The following PEX5L variants were observed in gnomAD, a reference collection of about 807,000 sequenced individuals.
PEX5L encodes peroxisomal biogenesis factor 5 like, also known as PEX5-related protein.
In PEX5L, 30 loss-of-function variants were observed where a neutral mutation model predicts 84.0. The observed-to-expected ratio is 0.36, with a 90% CI of 0.27 to 0.48. PEX5L has a LOEUF of 0.48. Among genes scored for constraint, PEX5L ranks in the 20% least tolerant of loss-of-function variants. The probability of loss-of-function intolerance (pLI) is 0.99; values close to 1 mark genes in which losing one functional copy is unlikely to be tolerated. For synonymous variants in PEX5L, 270 were observed against 283.1 expected (o/e 0.95, Z 0.46); for missense variants, 533 against 754.6 (o/e 0.71, Z 3.44).
rs1436013221 is a variant in PEX5L, at chr3:179,798,905, A to G, written c.*2923T>C. 1 of 152,146 alleles carries G rather than the reference A, an allele frequency of 6.6e-6. No individual in the cohort carries two copies. The highest frequency in any genetic ancestry group is 2.4e-5 in the African/African-American group (1 of 41,434). The allele number at this position is 152,146 out of a possible 1,614,324, so 9.4% of individuals were successfully genotyped here. On this transcript the variant is annotated 3_prime_UTR_variant, in exon 15 of 15. Coordinates refer to ENST00000467460, the MANE Select transcript of PEX5L (RefSeq NM_016559.3). ...GCTACTGATTTCTTGGTGGTGCTCTATTCCTATAAACTGTCACTTTTTTGT... is the reference window on the plus strand; with the variant it reads ...GCTACTGATTTCTTGGTGGTGCTCTGTTCCTATAAACTGTCACTTTTTTGT...
chr3:180,010,950 T>C (rs900198772), intron 1 of PEX5L, among the ~76,000 whole-genome samples: 9 of 152,156 alleles, frequency 5.9e-5, no homozygotes, highest in South Asian at 4.1e-4. Context: ...CAAGGGGAAG[T>C]GGAAGGCGTG....
At chr3:179,837,529 C>T (rs1390733720) in intron 8 of PEX5L, among the ~76,000 whole-genome samples, 4 of 152,182 alleles carry the variant, frequency 2.6e-5, no homozygotes, top group East Asian at 1.9e-4. Flanking sequence ...ATGCCATACC[C>T]AGATCTTTAT....
chr3:179,821,402 T>C (rs1002973011), intron 8 of PEX5L, among the ~76,000 whole-genome samples: 3 of 152,248 alleles, frequency 2.0e-5, no homozygotes, highest in Admixed American at 1.3e-4. Context: ...CCTTTTAATC[T>C]TCTGGTCTGC....
At chr3:180,019,573 T>A (rs1218618884) in intron 1 of PEX5L, among the ~76,000 whole-genome samples, 1 of 152,198 alleles carries the variant, frequency 6.6e-6, no homozygotes, top group East Asian at 1.9e-4. Context: ...TTTATCATCA[T>A]ATTTCCTCCT....
intron 7 of PEX5L, among the ~76,000 whole-genome samples, chr3:179,865,742 T>C (rs1747895537): frequency 6.6e-6 from 1 of 152,148 alleles, no homozygotes; most frequent in South Asian, 2.1e-4. Flanking sequence ...AAAATGCAGA[T>C]TGCTAGGCCC....
At chr3:179,884,860 G>GA (rs201760522) in intron 4 of PEX5L, among the ~76,000 whole-genome samples, 2 of 151,972 alleles carry the variant, frequency 1.3e-5, no homozygotes, top group African/African-American at 4.8e-5. Context: ...GAACTGGGTG[G>GA]AAAAAAATTA....
chr3:179,926,701 C>A (rs887213579), intron 2 of PEX5L, among the ~76,000 whole-genome samples: 3 of 152,200 alleles, frequency 2.0e-5, no homozygotes, highest in Non-Finnish European at 4.4e-5. Flanking sequence ...TCAGGAAACC[C>A]TGGGCTTTCT....
intron 8 of PEX5L, among the ~76,000 whole-genome samples, chr3:179,824,682 G>A (rs1421660765): frequency 6.8e-6 from 1 of 146,086 alleles, no homozygotes; most frequent in Non-Finnish European, 1.5e-5. Flanking sequence ...CTCTAGCCTG[G>A]GCAATCAGAG....
chr3:179,847,118 A>G (rs572054026), intron 8 of PEX5L, among the ~76,000 whole-genome samples: 86 of 149,008 alleles, frequency 5.8e-4, no homozygotes, highest in Non-Finnish European at 1.1e-3. Context: ...CACCCACCCC[A>G]CCCAACCAAT....
rs35662193 is a variant in PEX5L, at chr3:179,810,002, C to CTTT, written c.1155-337_1155-335dup. On this transcript the variant is annotated intron_variant, in intron 11 of 14. Coordinates refer to ENST00000467460, the MANE Select transcript of PEX5L (RefSeq NM_016559.3). ...AGGGGATATCATTATTTTAATGCTG[C>CTTT]TTTTTTTTTTTTTTTTTTTTTTTTT... 1.4e-3 allele frequency among the ~76,000 whole-genome samples: 65 copies of CTTT among 45,304 alleles called. 4 individuals are homozygous for CTTT. Among genetic ancestry groups the CTTT allele is most frequent in the African/African-American group, 4.4e-3 (48 of 10,988 alleles). 29.7% of individuals were successfully genotyped at this position (45,304 alleles called of 152,430 possible).
intron 4 of PEX5L, among the ~76,000 whole-genome samples, chr3:179,884,580 C>T (rs2108817298): frequency 1.3e-5 from 2 of 152,270 alleles, no homozygotes; most frequent in Non-Finnish European, 2.9e-5. Context: ...GTAATTGTTA[C>T]GGTGACAATA....
At chr3:179,854,760 A>C (rs6784386) in intron 8 of PEX5L, among the ~76,000 whole-genome samples, 90,831 of 151,578 alleles carry the variant, frequency 0.6, 27,429 homozygotes, top group East Asian at 0.76. Flanking sequence ...CGTAGGCACC[A>C]GACATTGTTC....
At position 179,998,347 on chromosome 3, in the gene PEX5L, C is replaced by A. The variant is rs145606263; in HGVS notation, c.22-26682G>T. On this transcript the variant is annotated intron_variant, in intron 1 of 14. Transcript: ENST00000467460. ...TGCCAGTTTGGAGTGGGGTCCAGAA[C>A]AGGAAAAGGCTTTGCAACAGGTCCA... is the stretch of plus-strand genomic sequence containing the variant. Among the ~76,000 whole-genome samples, 4 of 152,136 alleles carry A rather than the reference C, an allele frequency of 2.6e-5. No individual in the cohort carries two copies. In the South Asian group the frequency reaches 8.3e-4, roughly 32 times the overall value.
At chr3:179,981,713 C>G (rs1005019275) in intron 1 of PEX5L, among the ~76,000 whole-genome samples, 1 of 151,788 alleles carries the variant, frequency 6.6e-6, no homozygotes, top group African/African-American at 2.4e-5. Flanking sequence ...AAAACTTGGG[C>G]TAACAGGAAA....
chr3:179,969,238 G>A (rs546609878), intron 2 of PEX5L, among the ~76,000 whole-genome samples: 2 of 152,044 alleles, frequency 1.3e-5, no homozygotes, highest in South Asian at 4.1e-4. Flanking sequence ...TCTACTTGCA[G>A]TTACATGAAG....
At chr3:179,892,357 C>T (rs1246903304) in intron 3 of PEX5L, among the ~76,000 whole-genome samples, 1 of 152,108 alleles carries the variant, frequency 6.6e-6, no homozygotes, top group Non-Finnish European at 1.5e-5. Context: ...CCATTGAGTG[C>T]CTCTTTATAG....
At chr3:179,875,284 T>A (rs55664665) in intron 6 of PEX5L, 70 bp downstream of exon 6, 682,342 of 1,472,102 alleles carry the variant, frequency 0.46, 163,082 homozygotes, top group East Asian at 0.8. Flanking sequence ...GACTTAACTC[T>A]TTGGCTATTT....
At chr3:179,844,000 C>T (rs550168112) in intron 8 of PEX5L, among the ~76,000 whole-genome samples, 1 of 152,268 alleles carries the variant, frequency 6.6e-6, no homozygotes, top group South Asian at 2.1e-4. Flanking sequence ...TGGTGTCAAC[C>T]AAAGTTGTAC....
rs141883135 is a variant in PEX5L, at chr3:179,811,688, C to A, written c.1154+113G>T. ...GATATGCGGTATCTCAGCACTTATC[C>A]TTTACAAATTCTTTACACTGTACTT... is the stretch of plus-strand genomic sequence containing the variant. On this transcript the variant is annotated intron_variant, in intron 11 of 14. Coordinates refer to ENST00000467460, the MANE Select transcript of PEX5L (RefSeq NM_016559.3). 6.0e-6 allele frequency: 5 copies of A among 831,850 alleles called. No individual in the cohort carries two copies. The African/African-American group carries it at 6.6e-5, about 11-fold the overall frequency. 51.5% of individuals were successfully genotyped at this position (831,850 alleles called of 1,614,324 possible).
Sources: gnomAD v4.1 joint callset for allele counts (sites outside exome capture counted in the v4.1 genomes callset) on GRCh38, gnomAD v4.1.1 for gene constraint, MANE v1.5 for transcripts, NCBI Gene and HGNC (gene_info 2026-07-23, HGNC 2026-07-21) for gene names.